RNLS: variants seen among roughly 807,000 people sequenced by gnomAD.
The protein encoded by RNLS is renalase.
RNLS carries 39 observed loss-of-function variants against 39.8 expected under a neutral mutation model. The observed-to-expected ratio is 0.98, with a 90% CI of 0.76 to 1.28. The LOEUF is 1.28. Ranked by LOEUF, RNLS falls within the 50% of genes most tolerant of loss-of-function variation. RNLS has a pLI of 0.00. For synonymous variants in RNLS, 147 were observed against 150.7 expected (o/e 0.98, Z 0.18); for missense variants, 410 against 413.3 (o/e 0.99, Z 0.07).
chr10:88,197,102 G>T, the RNLS span, among the ~76,000 whole-genome samples: 1 of 152,160 alleles, frequency 6.6e-6, no homozygotes, highest in Non-Finnish European at 1.5e-5. Context: ...ATCCAATCTT[G>T]GAAATAAGTA....
intron 4 of RNLS, among the ~76,000 whole-genome samples, chr10:88,551,589 A>G (rs1444145419): frequency 2.0e-5 from 3 of 152,290 alleles, no homozygotes; most frequent in African/African-American, 7.2e-5. Context: ...TCAAATGAAA[A>G]CATCTAGTGC....
intron 4 of RNLS, among the ~76,000 whole-genome samples, chr10:88,398,381 G>T (rs1036191083): frequency 6.6e-6 from 1 of 152,036 alleles, no homozygotes; most frequent in African/African-American, 2.4e-5. Context: ...GGCAATTAAG[G>T]TAGGTGGATA....
intron 4 of RNLS, among the ~76,000 whole-genome samples, chr10:88,435,432 G>T (rs933684497): frequency 8.1e-5 from 12 of 148,292 alleles, no homozygotes; most frequent in Admixed American, 7.4e-4. Context: ...CAAATATTTG[G>T]GGGTAAACCA....
At chr10:88,305,836 A>T (rs534311401) in intron 6 of RNLS, among the ~76,000 whole-genome samples, 1 of 152,336 alleles carries the variant, frequency 6.6e-6, no homozygotes, top group Non-Finnish European at 1.5e-5. Context: ...GAGCTGATAG[A>T]TATCTACAGA....
At chr10:88,509,563 T>C (rs546044866) in intron 4 of RNLS, among the ~76,000 whole-genome samples, 3 of 152,126 alleles carry the variant, frequency 2.0e-5, no homozygotes, top group African/African-American at 4.8e-5. Context: ...GATTAAAATA[T>C]ATAAAGCATT....
chr10:88,217,120 A>G, the RNLS span, among the ~76,000 whole-genome samples: 6 of 152,310 alleles, frequency 3.9e-5, no homozygotes, highest in Non-Finnish European at 8.8e-5. Context: ...TGGTTATTAA[A>G]CAAGCCTTTA....
At chr10:88,357,312 C>T (rs1849267685) in intron 5 of RNLS, among the ~76,000 whole-genome samples, 1 of 152,170 alleles carries the variant, frequency 6.6e-6, no homozygotes, top group South Asian at 2.1e-4. Context: ...GTCTGGACTC[C>T]TGGACAGTCT....
intron 4 of RNLS, among the ~76,000 whole-genome samples, chr10:88,452,452 G>A (rs1842414414): frequency 6.6e-6 from 1 of 152,174 alleles, no homozygotes; most frequent in Non-Finnish European, 1.5e-5. Flanking sequence ...ACATTTTAGG[G>A]AGAATTCCCT....
At chr10:88,392,733 C>A (rs1222328585) in intron 4 of RNLS, among the ~76,000 whole-genome samples, 1 of 152,050 alleles carries the variant, frequency 6.6e-6, no homozygotes, top group African/African-American at 2.4e-5. Context: ...GTAGTTTCAA[C>A]AAAAAATTAG....
At chr10:88,214,315 G>T in the RNLS span, among the ~76,000 whole-genome samples, 3 of 152,122 alleles carry the variant, frequency 2.0e-5, no homozygotes, top group African/African-American at 7.2e-5. Context: ...GCAAAACAGA[G>T]CTAAGCTGCC....
Position 88,423,813 on chromosome 10 carries a change from A to G in RNLS, c.527-61088T>C, listed in dbSNP as rs928089536. Among the ~76,000 whole-genome samples the G allele has an allele frequency of 2.0e-5, 3 of 152,172 alleles. No individual in the cohort carries two copies. The East Asian group carries it at 5.8e-4, about 29-fold the overall frequency. On this transcript the variant is annotated intron_variant, in intron 4 of 6. Transcript: ENST00000331772. ...CTGTGTTAATTCTTATTGCAGTGCT[A>G]TCTACAGCAGGTATGGACCCTTCCC...
chr10:88,438,854 C>A (rs1841555067), intron 4 of RNLS, among the ~76,000 whole-genome samples: 1 of 152,056 alleles, frequency 6.6e-6, no homozygotes, highest in African/African-American at 2.4e-5. Flanking sequence ...CTTCAGGCTG[C>A]ACTTAATATA....
At chr10:88,456,008 T>C (rs1192392853) in intron 4 of RNLS, among the ~76,000 whole-genome samples, 1 of 152,216 alleles carries the variant, frequency 6.6e-6, no homozygotes, top group Non-Finnish European at 1.5e-5. Context: ...AGAAGCTGGA[T>C]GAGATGTCAG....
intron 6 of RNLS, among the ~76,000 whole-genome samples, chr10:88,290,967 T>C (rs772886836): frequency 2.6e-5 from 4 of 152,210 alleles, no homozygotes; most frequent in Admixed American, 6.5e-5. Context: ...CAAATTGTTC[T>C]TAAGTAATTT....
intron 4 of RNLS, among the ~76,000 whole-genome samples, chr10:88,377,993 G>A (rs1851156669): frequency 6.7e-6 from 1 of 149,610 alleles, no homozygotes; most frequent in Admixed American, 6.7e-5. Context: ...TACTTTTTAA[G>A]CTTTATCATT....
intron 4 of RNLS, among the ~76,000 whole-genome samples, chr10:88,454,215 A>G (rs543858554): frequency 1.4e-4 from 22 of 152,250 alleles, no homozygotes; most frequent in Non-Finnish European, 2.5e-4. Context: ...AGAAAGATGT[A>G]TTCAACAGAG....
the RNLS span, among the ~76,000 whole-genome samples, chr10:88,195,890 G>A: frequency 6.6e-6 from 1 of 152,122 alleles, no homozygotes; most frequent in Non-Finnish European, 1.5e-5. Flanking sequence ...CATTGCTAGA[G>A]GCATTCCCTG....
intron 4 of RNLS, among the ~76,000 whole-genome samples, chr10:88,557,107 T>C (rs1368203964): frequency 6.6e-5 from 10 of 152,150 alleles, no homozygotes; most frequent in Non-Finnish European, 1.2e-4. Flanking sequence ...CATTTAAAAA[T>C]AAAACTGAAT....
the RNLS span, among the ~76,000 whole-genome samples, chr10:88,200,747 AG>A: frequency 6.6e-6 from 1 of 152,214 alleles, no homozygotes; most frequent in Non-Finnish European, 1.5e-5. Context: ...TTCACGGTAA[AG>A]AATTTGCTGC....
Sources: gnomAD v4.1 joint callset for allele counts (sites outside exome capture counted in the v4.1 genomes callset) on GRCh38, gnomAD v4.1.1 for gene constraint, MANE v1.5 for transcripts, NCBI Gene and HGNC (gene_info 2026-07-23, HGNC 2026-07-21) for gene names.